GALNTL6: variants seen among roughly 807,000 people sequenced by gnomAD.
GALNTL6 encodes the protein polypeptide N-acetylgalactosaminyltransferase like 6.
GALNTL6 carries 46 observed loss-of-function variants against 73.7 expected under a neutral mutation model. That is an observed-to-expected ratio of 0.62 (90% confidence interval 0.49 to 0.80). The LOEUF is 0.80. GALNTL6 is among the 30% of genes least tolerant of loss of function. The pLI is 0.00. For synonymous variants in GALNTL6, 259 were observed against 263.7 expected (o/e 0.98, Z 0.17); for missense variants, 604 against 755.0 (o/e 0.80, Z 2.34).
In GALNTL6 at chr4:171,932,473, G is replaced by A. The variant is rs539368503; in HGVS notation, c.138+117755G>A. Among the ~76,000 whole-genome samples the A allele has an allele frequency of 1.4e-4, 22 of 152,284 alleles. No individual in the cohort carries two copies. In the East Asian group the frequency reaches 3.3e-3, roughly 23 times the overall value. On this transcript the variant is annotated intron_variant, in intron 2 of 12. Transcript: ENST00000506823. ...AGGGAAGCTGGAAGCCAGTGGGCCC[G>A]CCAAGCACCTCTCTGAGACTGAAGC...
At chr4:172,112,847 T>G (rs1732891546) in intron 2 of GALNTL6, among the ~76,000 whole-genome samples, 1 of 151,780 alleles carries the variant, frequency 6.6e-6, no homozygotes, top group African/African-American at 2.4e-5. Context: ...AACCATAAGA[T>G]GTTATAGCCA....
chr4:172,713,734 C>T (rs1734872422), intron 5 of GALNTL6, among the ~76,000 whole-genome samples: 1 of 152,152 alleles, frequency 6.6e-6, no homozygotes, highest in Non-Finnish European at 1.5e-5. Context: ...AATTAGTCAA[C>T]AAAGCCTGAA....
chr4:172,763,926 T>C (rs1738254430), intron 5 of GALNTL6, among the ~76,000 whole-genome samples: 1 of 149,720 alleles, frequency 6.7e-6, no homozygotes, highest in Non-Finnish European at 1.5e-5. Flanking sequence ...ATATTACTAA[T>C]AATCAAAAAA....
intron 5 of GALNTL6, among the ~76,000 whole-genome samples, chr4:172,489,329 CAAAT>C (rs1733814913): frequency 1.3e-5 from 2 of 152,174 alleles, no homozygotes; most frequent in South Asian, 4.1e-4. Flanking sequence ...AACCCATAAA[CAAAT>C]AGTGAGATAA....
intron 2 of GALNTL6, among the ~76,000 whole-genome samples, chr4:172,228,636 C>CT (rs986479235): frequency 7.9e-5 from 12 of 151,718 alleles, no homozygotes; most frequent in South Asian, 2.1e-4. Context: ...GCTAAATTGA[C>CT]TTTTTTTTGC....
chr4:172,036,495 A>G (rs566704321), intron 2 of GALNTL6, among the ~76,000 whole-genome samples: 1 of 152,288 alleles, frequency 6.6e-6, no homozygotes, highest in South Asian at 2.1e-4. Context: ...AACCAATAGC[A>G]TAATACCATT....
At chr4:172,321,062 T>C (rs1275175782) in intron 4 of GALNTL6, among the ~76,000 whole-genome samples, 2 of 152,216 alleles carry the variant, frequency 1.3e-5, no homozygotes, top group African/African-American at 4.8e-5. Flanking sequence ...TGATACAGTA[T>C]ATTGTTATAA....
chr4:172,021,417 T>C (rs1010095632), intron 2 of GALNTL6, among the ~76,000 whole-genome samples: 1 of 151,984 alleles, frequency 6.6e-6, no homozygotes, highest in Non-Finnish European at 1.5e-5. Flanking sequence ...ATGAAAACTA[T>C]AAGACATTGA....
At chr4:172,994,598 CCAAGT>C (rs1195735095) in intron 10 of GALNTL6, among the ~76,000 whole-genome samples, 7 of 152,144 alleles carry the variant, frequency 4.6e-5, no homozygotes, top group Non-Finnish European at 1.0e-4. Context: ...CCTTAAAGAG[CCAAGT>C]CATCTCTTTT....
intron 2 of GALNTL6, among the ~76,000 whole-genome samples, chr4:171,893,035 A>G (rs974250741): frequency 6.6e-6 from 1 of 151,894 alleles, no homozygotes; most frequent in Non-Finnish European, 1.5e-5. Flanking sequence ...TGTTTAGTGA[A>G]TGAAAAAAAA....
chr4:172,374,000 C>T (rs1247839858), intron 5 of GALNTL6, among the ~76,000 whole-genome samples: 1 of 152,176 alleles, frequency 6.6e-6, no homozygotes, highest in African/African-American at 2.4e-5. Flanking sequence ...TTGCCCTGGG[C>T]ACCCTCATTC....
At chr4:172,967,876 T>A (rs940555531) in intron 10 of GALNTL6, among the ~76,000 whole-genome samples, 4 of 152,238 alleles carry the variant, frequency 2.6e-5, no homozygotes, top group African/African-American at 9.6e-5. Flanking sequence ...GGGGGACTAC[T>A]GTAGTTTTGT....
At chr4:172,372,605 G>A (rs1742859320) in intron 5 of GALNTL6, among the ~76,000 whole-genome samples, 1 of 152,186 alleles carries the variant, frequency 6.6e-6, no homozygotes, top group African/African-American at 2.4e-5. Flanking sequence ...GACTCCAAGA[G>A]CTATCCCTGC....
chr4:172,513,745 G>C (rs1398672880), intron 5 of GALNTL6, among the ~76,000 whole-genome samples: 1 of 152,182 alleles, frequency 6.6e-6, no homozygotes, highest in African/African-American at 2.4e-5. Context: ...TGTCTACAAA[G>C]AGCCCCATGA....
chr4:172,483,455 T>C (rs1174923032), intron 5 of GALNTL6, among the ~76,000 whole-genome samples: 5 of 152,196 alleles, frequency 3.3e-5, no homozygotes, highest in Middle Eastern at 3.2e-3. Context: ...GACACGTATA[T>C]AAAGAGTTCA....
chr4:172,735,483 A>G (rs1451080425), intron 5 of GALNTL6, among the ~76,000 whole-genome samples: 1 of 152,242 alleles, frequency 6.6e-6, no homozygotes, highest in Non-Finnish European at 1.5e-5. Flanking sequence ...TTTTGATTTT[A>G]TAGGCTCGTA....
chr4:172,448,060 A>C (rs961977777), intron 5 of GALNTL6, among the ~76,000 whole-genome samples: 1 of 152,190 alleles, frequency 6.6e-6, no homozygotes, highest in South Asian at 2.1e-4. Flanking sequence ...TGAATGATAG[A>C]ATATTAACTC....
intron 5 of GALNTL6, among the ~76,000 whole-genome samples, chr4:172,366,209 A>G (rs1742553066): frequency 6.6e-6 from 1 of 152,214 alleles, no homozygotes; most frequent in African/African-American, 2.4e-5. Flanking sequence ...TCTGGTTTAC[A>G]GATTAAAAAC....
intron 2 of GALNTL6, among the ~76,000 whole-genome samples, chr4:171,890,307 G>GGAAAATCA (rs1446039542): frequency 6.6e-6 from 1 of 152,014 alleles, no homozygotes; most frequent in Non-Finnish European, 1.5e-5. Flanking sequence ...TAGCTCTAGA[G>GGAAAATCA]GAAAATCAGA....
Sources: allele counts gnomAD v4.1 joint callset (sites outside exome capture counted in the v4.1 genomes callset), GRCh38; gene constraint gnomAD v4.1.1; transcripts MANE v1.5; gene names NCBI Gene and HGNC (gene_info 2026-07-23, HGNC 2026-07-21).